Variants in CILP2 observed in about 807,000 individuals in gnomAD.
The protein encoded by CILP2 is cartilage intermediate layer protein 2, also known as CILP-2.
In CILP2, 38 loss-of-function variants were observed where a neutral mutation model predicts 45.6. The ratio of observed to expected loss-of-function variants is 0.83; its 90% confidence interval spans 0.64 to 1.09. The LOEUF (loss-of-function observed/expected upper bound fraction) is 1.09. Among genes scored for constraint, CILP2 ranks in the 50% least tolerant of loss-of-function variants. CILP2 has a pLI of 0.00. For synonymous variants in CILP2, 780 were observed against 723.5 expected (o/e 1.08, Z -1.25); for missense variants, 1,735 against 1,662.2 (o/e 1.04, Z -0.76).
In CILP2 at chr19:19,546,008, C is replaced by A; in HGVS notation, c.3463C>A (p.Arg1155=). The A allele has an allele frequency of 6.7e-7, 1 of 1,481,488 alleles. No individual in the cohort carries two copies. The highest frequency in any genetic ancestry group is 8.9e-7 in the Non-Finnish European group (1 of 1,117,954). 91.8% of individuals were successfully genotyped at this position (1,481,488 alleles called of 1,614,324 possible). A position where few individuals can be genotyped will look rare whatever the true frequency, so the allele number is the denominator to read the frequency against. ...CCTCCGCACCCGCCGGGGTAGGGTC[C>A]GGCAGTGACCTGGGCAGGGGCCTCG... The part of the protein sequence containing the change: ...GPLRTRRGRV[R]Q Residue 1155 remains arginine, a synonymous_variant, in exon 8 of 8, where the codon CGG becomes AGG. Coordinates refer to ENST00000291495, the MANE Select transcript of CILP2 (RefSeq NM_153221.2).
At position 19,542,589 on chromosome 19, in the gene CILP2, G is replaced by A. The variant is rs1374674873; in HGVS notation, c.807G>A (p.Gly269=). 5 of 1,614,000 alleles carry A rather than the reference G, an allele frequency of 3.1e-6. No individual in the cohort carries two copies. The highest frequency in any genetic ancestry group is 4.2e-6 in the Non-Finnish European group (5 of 1,180,048). ...IRAQMDGFSA[G]EAQAQANGSI... ...CCCAGATGGATGGCTTCTCTGCAGG[G>A]GAGGCCCAGGCCCAGGCCAACGGAT... Residue 269 remains glycine, a synonymous_variant, in exon 5 of 8, where the codon GGG becomes GGA. Transcript: ENST00000291495.
rs1249159670 is a variant in CILP2, at chr19:19,545,211, G to A, written c.2666G>A (p.Gly889Glu). 1.2e-6 allele frequency: 2 copies of A among 1,612,444 alleles called. No homozygotes were observed. The highest frequency in any genetic ancestry group is 1.7e-4 in the Middle Eastern group (1 of 6,056). Residue 889 changes from glycine to glutamate, a missense_variant, in exon 8 of 8, where the codon GGG becomes GAG. By Grantham distance (98) the Gly-to-Glu change is moderately conservative (BLOSUM62 -2). Coordinates refer to ENST00000291495, the MANE Select transcript of CILP2 (RefSeq NM_153221.2). ...TGGCGCAGCCTGCGGGAATGCCAGGGGGCCCCGGTGACTGCCAGCCACTTC... is the reference window on the plus strand; with the variant it reads ...TGGCGCAGCCTGCGGGAATGCCAGGAGGCCCCGGTGACTGCCAGCCACTTC... ...YPWRSLRECQGAPVTASHFRF... is the reference protein window; with the variant it reads ...YPWRSLRECQEAPVTASHFRF...
chr19:19,543,563 T>C (rs1336925903), intron 7 of CILP2, 118 bp from the exon 8 acceptor site: 5 of 1,359,066 alleles, frequency 3.7e-6, no homozygotes, highest in Non-Finnish European at 5.1e-6. Context: ...CTTCAGTCCT[T>C]ACCCTGGGCA....
At position 19,540,455 on chromosome 19, in the gene CILP2, G is replaced by C; in HGVS notation, c.415G>C (p.Val139Leu). 6.9e-7 allele frequency: 1 copy of C among 1,443,308 alleles called. No homozygotes were observed. The allele number at this position is 1,443,308 out of a possible 1,614,324, so 89.4% of individuals were successfully genotyped here. A position where few individuals can be genotyped will look rare whatever the true frequency, so the allele number is the denominator to read the frequency against. The change falls in exon 3 of 8, where the codon GTG (valine) becomes CTG (leucine). Residue 139 changes from valine (V) to leucine (L), a missense_variant. By Grantham distance (32) the Val-to-Leu change is conservative (BLOSUM62 1). Coordinates refer to ENST00000291495, the MANE Select transcript of CILP2 (RefSeq NM_153221.2). ...TGGCCGCCGCTGCTCCAACTACCACGTGCGCTTCCGCTGCCCACTAGGTGA... is the reference window on the plus strand; with the variant it reads ...TGGCCGCCGCTGCTCCAACTACCACCTGCGCTTCCGCTGCCCACTAGGTGA... Reference protein sequence around the residue: ...PRGRRCSNYHVRFRCPLEASW... With the variant: ...PRGRRCSNYHLRFRCPLEASW...
rs73924804 is a variant in CILP2, at chr19:19,546,324, C to T, written c.*308C>T. ...CAGAAGCCGTCTCTGACTTCTCGTG[C>T]GTATTTTGACCCTGATTTCAATCTT... On this transcript the variant is annotated 3_prime_UTR_variant, in exon 8 of 8. Coordinates refer to ENST00000291495, the MANE Select transcript of CILP2 (RefSeq NM_153221.2). The T allele has an allele frequency of 4.9e-3, 1,279 of 260,386 alleles. 18 individuals are homozygous for T. The highest frequency in any genetic ancestry group is 0.026 in the African/African-American group (1,199 of 45,434). 16.1% of individuals were successfully genotyped at this position (260,386 alleles called of 1,614,324 possible). A position where few individuals can be genotyped will look rare whatever the true frequency, so the allele number is the denominator to read the frequency against.
Position 19,545,124 on chromosome 19 carries a change from G to C in CILP2, c.2579G>C (p.Arg860Pro), listed in dbSNP as rs762225795. 1 of 1,611,798 alleles carries C rather than the reference G, an allele frequency of 6.2e-7. No homozygotes were observed. Among genetic ancestry groups the C allele is most frequent in the South Asian group, 1.1e-5 (1 of 91,024 alleles). The change falls in exon 8 of 8, where the codon CGC becomes CCC. Residue 860 changes from arginine (R) to proline (P), a missense_variant. By Grantham distance (103) the Arg-to-Pro change is moderately radical. Coordinates refer to ENST00000291495, the MANE Select transcript of CILP2 (RefSeq NM_153221.2). ...DDPAFKRNGF[R>P]INLAKPRPGD... is the part of the protein sequence containing the mutation. ...CCCGCCTTCAAGCGTAACGGCTTCC[G>C]CATCAACCTCGCCAAGCCCAGGCCA...
Position 19,545,495 on chromosome 19 carries a change from C to T in CILP2, c.2950C>T (p.Pro984Ser). 6.2e-7 allele frequency: 1 copy of T among 1,612,512 alleles called. No individual in the cohort carries two copies. Among genetic ancestry groups the T allele is most frequent in the Non-Finnish European group, 8.5e-7 (1 of 1,179,804 alleles). Residue 984 changes from proline to serine, a missense_variant, in exon 8 of 8, where the codon CCG (proline) becomes TCG (serine). Physicochemically the swap from Pro to Ser is moderately conservative, Grantham distance 74. Coordinates refer to ENST00000291495, the MANE Select transcript of CILP2 (RefSeq NM_153221.2). ...CCGGAGTGTGCGAGACCCCGAGCGTCCGGGCACCTCGGCAGCCTGCGTGGA... is the reference window on the plus strand; with the variant it reads ...CCGGAGTGTGCGAGACCCCGAGCGTTCGGGCACCTCGGCAGCCTGCGTGGA... ...DARSVRDPER[P>S]GTSAACVEFK...
chr19:19,540,876 G>A, intron 3 of CILP2: 1 of 426,648 alleles, frequency 2.3e-6, no homozygotes, highest in Non-Finnish European at 4.0e-6. Context: ...CTTATGCGGG[G>A]GTGGGGAGGT....
chr19:19,542,908 G>C lies in CILP2; in HGVS notation c.913G>C (p.Ala305Pro), dbSNP rs140099724. 6.2e-7 allele frequency: 1 copy of C among 1,614,012 alleles called. No homozygotes were observed. The highest frequency in any genetic ancestry group is 1.3e-5 in the African/African-American group (1 of 74,916). Residue 305 changes from alanine to proline, a missense_variant, in exon 6 of 8, where the codon GCT (alanine) becomes CCT (proline). By Grantham distance (27) the Ala-to-Pro change is conservative. Transcript: ENST00000291495. ...ACACCCTGAGTCCCGAGTGCGAGAG[G>C]CTGGCCAGAATGTGACTTTCTGCTG... ...VKHPESRVRE[A>P]GQNVTFCCKA...
intron 5 of CILP2, 25 bp from the exon 6 acceptor site, chr19:19,542,839 T>C: frequency 3.8e-6 from 6 of 1,589,680 alleles, no homozygotes; most frequent in Non-Finnish European, 5.2e-6. Context: ...GGAGAAGCTC[T>C]GATCTTTACC....
At position 19,542,455 on chromosome 19, in the gene CILP2, G is replaced by A; in HGVS notation, c.673G>A (p.Gly225Arg). 6.2e-7 allele frequency: 1 copy of A among 1,612,890 alleles called. No individual in the cohort carries two copies. The highest frequency in any genetic ancestry group is 8.5e-7 in the Non-Finnish European group (1 of 1,179,986). ...CACCCCATCTGGGCAACCACTGCTA[G>A]GAGCCAGGGTCTCCCTGCGAGACCA... ...VVTPSGQPLL[G>R]ARVSLRDQPG... The change falls in exon 5 of 8, where the codon GGA becomes AGA. Residue 225 changes from glycine (G) to arginine (R), a missense_variant. Transcript: ENST00000291495.
rs556180418 is a variant in CILP2 at position 19,541,288 on chromosome 19, G to A, written c.592+42G>A. On this transcript the variant is annotated intron_variant, in intron 4 of 7. Coordinates refer to ENST00000291495, the MANE Select transcript of CILP2 (RefSeq NM_153221.2). Reference sequence around the variant, plus strand: ...CTGGAGGCTGGGACCTGTACAGAGGGGAGGAAGGGGAGGTTAGGGGCTGAG... The same window carrying A: ...CTGGAGGCTGGGACCTGTACAGAGGAGAGGAAGGGGAGGTTAGGGGCTGAG... The A allele has an allele frequency of 1.3e-5, 17 of 1,264,150 alleles. No homozygotes were observed. In the South Asian group the frequency reaches 2.0e-4, roughly 15 times the overall value. The allele number at this position is 1,264,150 out of a possible 1,614,324, so 78.3% of individuals were successfully genotyped here. A position where few individuals can be genotyped will look rare whatever the true frequency, so the allele number is the denominator to read the frequency against.
chr19:19,543,263 C>T lies in CILP2; in HGVS notation c.993C>T (p.Thr331=). Reference sequence around the variant, plus strand: ...TGCCATCCAGGTTCCACAATGGGACCCTGCTGGACAGGCGAGCTCATGGGT... The same window carrying T: ...TGCCATCCAGGTTCCACAATGGGACTCTGCTGGACAGGCGAGCTCATGGGT... ...PKKYSWFHNG[T]LLDRRAHGYG... is the part of the protein sequence containing the mutation. The change falls in exon 7 of 8, where the codon ACC becomes ACT. Residue 331 remains threonine (T), a synonymous_variant. Transcript: ENST00000291495. 1.2e-6 allele frequency: 2 copies of T among 1,613,288 alleles called. No individual in the cohort carries two copies. Among genetic ancestry groups the T allele is most frequent in the Non-Finnish European group, 1.7e-6 (2 of 1,179,904 alleles).
chr19:19,542,602 C>G lies in CILP2; in HGVS notation c.820C>G (p.Gln274Glu), dbSNP rs1568369361. The G allele has an allele frequency of 1.9e-6, 3 of 1,614,014 alleles. No homozygotes were observed. Among genetic ancestry groups the G allele is most frequent in the Non-Finnish European group, 2.5e-6 (3 of 1,180,038 alleles). ...CTTCTCTGCAGGGGAGGCCCAGGCC[C>G]AGGCCAACGGATCCATCTCTGTGGT... ...DGFSAGEAQA[Q>E]ANGSISVVTI... The change falls in exon 5 of 8, where the codon CAG becomes GAG. Residue 274 changes from glutamine (Q) to glutamate (E), a missense_variant. Transcript: ENST00000291495.
chr19:19,542,860 C>T lies in CILP2; in HGVS notation c.869-4C>T. 1.2e-6 allele frequency: 2 copies of T among 1,610,592 alleles called. No individual in the cohort carries two copies. Among genetic ancestry groups the T allele is most frequent in the Non-Finnish European group, 8.5e-7 (1 of 1,176,790 alleles). ...GCTCTGATCTTTACCACCTTTGACC[C>T]CAGAGAAGCCGTACCTGGTGAAACA... On this transcript the variant is annotated splice_region_variant and splice_polypyrimidine_tract_variant and intron_variant, in intron 5 of 7. Coordinates refer to ENST00000291495, the MANE Select transcript of CILP2 (RefSeq NM_153221.2).
chr19:19,544,286 CT>C lies in CILP2; in HGVS notation c.1742del (p.Leu581ArgfsTer27). 1 of 1,613,338 alleles carries C rather than the reference CT, an allele frequency of 6.2e-7. No homozygotes were observed. Among genetic ancestry groups the C allele is most frequent in the Non-Finnish European group, 8.5e-7 (1 of 1,180,018 alleles). On this transcript the variant is annotated frameshift_variant, in exon 8 of 8. Coordinates refer to ENST00000291495, the MANE Select transcript of CILP2 (RefSeq NM_153221.2). LOFTEE classifies it low-confidence loss of function (END_TRUNC). Reference sequence around the variant, plus strand: ...GGGCGAGCTGGAAGATGAGGCGCCCCTGGGCGAGCTGGTCCTGCCTTCTGGC... The same window carrying C: ...GGGCGAGCTGGAAGATGAGGCGCCCCGGGCGAGCTGGTCCTGCCTTCTGGC... Reference protein sequence around the residue: ...PLGELEDEAPLGELVLPSGAF... With the variant: ...PLGELEDEAPXGELVLPSGAF...
Position 19,541,253 on chromosome 19 carries a change from G to C in CILP2, c.592+7G>C. 5 of 1,288,004 alleles carry C rather than the reference G, an allele frequency of 3.9e-6. No homozygotes were observed. The highest frequency in any genetic ancestry group is 4.9e-6 in the Non-Finnish European group (5 of 1,016,464). The allele number at this position is 1,288,004 out of a possible 1,614,324, so 79.8% of individuals were successfully genotyped here. A position where few individuals can be genotyped will look rare whatever the true frequency, so the allele number is the denominator to read the frequency against. Reference sequence around the variant, plus strand: ...GTGCGGCCTCGGTGTCCAGGTAGGAGGGGCGGGGTCTGGAGGCTGGGACCT... The same window carrying C: ...GTGCGGCCTCGGTGTCCAGGTAGGACGGGCGGGGTCTGGAGGCTGGGACCT... On this transcript the variant is annotated splice_region_variant and intron_variant, in intron 4 of 7. Coordinates refer to ENST00000291495, the MANE Select transcript of CILP2 (RefSeq NM_153221.2).
intron 2 of CILP2, 86 bp downstream of exon 2, chr19:19,539,863 G>C: frequency 9.1e-7 from 1 of 1,097,350 alleles, no homozygotes; most frequent in South Asian, 1.7e-5. Context: ...TGAGGAGAGG[G>C]CACACACTAG....
rs538970128 is a variant in CILP2, at chr19:19,542,361, C to G, written c.593-14C>G. On this transcript the variant is annotated splice_polypyrimidine_tract_variant and intron_variant, in intron 4 of 7. Transcript: ENST00000291495. ...AAGGTTTCTCTGTCCTGCTTCCTCT[C>G]CATATCCCCCCAGGGTGCAGCCTTG... 116 of 1,602,144 alleles carry G rather than the reference C, an allele frequency of 7.2e-5. No individual in the cohort carries two copies. The South Asian group carries it at 1.3e-3, about 17-fold the overall frequency.
Sources: allele counts gnomAD v4.1 joint callset, GRCh38; gene constraint gnomAD v4.1.1; transcripts MANE v1.5; gene names NCBI Gene and HGNC (gene_info 2026-07-23, HGNC 2026-07-21).